DNAJB4: variants seen among roughly 807,000 people sequenced by gnomAD.
DNAJB4 encodes the protein dnaJ homolog subfamily B member 4.
Under a neutral mutation model 26.6 loss-of-function variants are expected in DNAJB4, and 10 were observed. The ratio of observed to expected loss-of-function variants is 0.38; its 90% confidence interval spans 0.23 to 0.64. The LOEUF (loss-of-function observed/expected upper bound fraction) is 0.64. Ranked by LOEUF, DNAJB4 falls within the 30% of genes least tolerant of loss-of-function variation. DNAJB4 has a pLI of 0.58. For synonymous variants in DNAJB4, 136 were observed against 134.8 expected, an observed-to-expected ratio of 1.01 and a Z score of -0.06; for missense variants, 328 against 408.2, an observed-to-expected ratio of 0.80 and a Z score of 1.69.
intron 1 of DNAJB4, among the ~76,000 whole-genome samples, chr1:78,011,057 T>G (rs1006192703): frequency 5.3e-5 from 8 of 152,216 alleles, no homozygotes; most frequent in African/African-American, 1.9e-4. Flanking sequence ...GATTTTTAGA[T>G]TCTTTTCCTG....
At chr1:77,991,944 G>C (rs1240514256) in intron 1 of DNAJB4, among the ~76,000 whole-genome samples, 2 of 152,156 alleles carry the variant, frequency 1.3e-5, no homozygotes, top group Non-Finnish European at 2.9e-5. Flanking sequence ...AATACACATA[G>C]AAGAGGTTAT....
intron 1 of DNAJB4, among the ~76,000 whole-genome samples, chr1:78,006,366 T>C (rs1245367007): frequency 6.6e-6 from 1 of 152,202 alleles, no homozygotes. Flanking sequence ...CAGGACTAAG[T>C]TATTTTATTA....
At chr1:78,014,150 C>T (rs1305244189) in intron 2 of DNAJB4, among the ~76,000 whole-genome samples, 6 of 150,106 alleles carry the variant, frequency 4.0e-5, no homozygotes, top group African/African-American at 1.2e-4. Flanking sequence ...GAGACAGAGT[C>T]TTGCTCTGTC....
At position 78,016,062 on chromosome 1, in the gene DNAJB4, A is replaced by G. The variant is rs1456231012; in HGVS notation, c.829A>G (p.Ile277Val). 1 of 1,614,134 alleles carries G rather than the reference A, an allele frequency of 6.2e-7. No individual in the cohort carries two copies. The highest frequency in any genetic ancestry group is 8.5e-7 in the Non-Finnish European group (1 of 1,180,022). The stretch of plus-strand genomic sequence containing the variant: ...TGTACCAACACTGGATGGAAGAAAC[A>G]TACCTATGTCAGTAAATGATATTGT... ...INVPTLDGRN[I>V]PMSVNDIVKP... Residue 277 changes from isoleucine to valine, a missense_variant, in exon 3 of 3, where the codon ATA becomes GTA. Ile to Val is a conservative substitution (Grantham distance 29). Coordinates refer to ENST00000370763, the MANE Select transcript of DNAJB4 (RefSeq NM_007034.5).
chr1:77,994,231 A>G (rs941943115), intron 1 of DNAJB4, among the ~76,000 whole-genome samples: 3 of 151,862 alleles, frequency 2.0e-5, no homozygotes, highest in Admixed American at 1.3e-4. Context: ...GGGAGACCCT[A>G]TCTCTACAAA....
upstream of DNAJB4, chr1:77,979,536 A>G (rs1360716023): frequency 6.5e-6 from 1 of 153,088 alleles, no homozygotes; most frequent in Non-Finnish European, 1.5e-5. Flanking sequence ...GGAGGGCGCC[A>G]GGAGAAGTGC....
intron 1 of DNAJB4, among the ~76,000 whole-genome samples, chr1:77,996,380 C>T (rs1349993775): frequency 2.0e-5 from 3 of 152,114 alleles, no homozygotes; most frequent in African/African-American, 7.2e-5. Flanking sequence ...GTCTCAAACT[C>T]CTGGGCTCAA....
chr1:78,015,390 T>C (rs1402862653), intron 2 of DNAJB4, among the ~76,000 whole-genome samples: 2 of 151,978 alleles, frequency 1.3e-5, no homozygotes, highest in Admixed American at 6.6e-5. Context: ...AATAACCATG[T>C]CATTCCAGGG....
At position 78,016,060 on chromosome 1, in the gene DNAJB4, A is replaced by G; in HGVS notation, c.827A>G (p.Asn276Ser). The change falls in exon 3 of 3, where the codon AAC becomes AGC. Residue 276 changes from asparagine to serine, a missense_variant. Asn to Ser is a conservative substitution (Grantham distance 46, BLOSUM62 1). Coordinates refer to ENST00000370763, the MANE Select transcript of DNAJB4 (RefSeq NM_007034.5). The part of the protein sequence containing the change: ...SINVPTLDGR[N>S]IPMSVNDIVK... ...AATGTACCAACACTGGATGGAAGAA[A>G]CATACCTATGTCAGTAAATGATATT... The G allele has an allele frequency of 6.2e-7, 1 of 1,614,096 alleles. No individual in the cohort carries two copies. Among genetic ancestry groups the G allele is most frequent in the Non-Finnish European group, 8.5e-7 (1 of 1,180,010 alleles).
chr1:78,010,748 T>A (rs1165806673), intron 1 of DNAJB4, among the ~76,000 whole-genome samples: 1 of 152,200 alleles, frequency 6.6e-6, no homozygotes, highest in Non-Finnish European at 1.5e-5. Context: ...ATGCTGTGTG[T>A]TAGTGGCATT....
chr1:77,997,634 T>A (rs1390914807), intron 1 of DNAJB4, among the ~76,000 whole-genome samples: 5 of 152,190 alleles, frequency 3.3e-5, no homozygotes, highest in Non-Finnish European at 7.3e-5. Flanking sequence ...TATGCTCTTT[T>A]GCTTCTTGAC....
intron 1 of DNAJB4, among the ~76,000 whole-genome samples, chr1:78,012,326 C>G (rs1223743012): frequency 1.3e-5 from 2 of 151,394 alleles, no homozygotes; most frequent in African/African-American, 4.8e-5. Context: ...CCACACCTGG[C>G]TAATTTTTTG....
Position 78,016,109 on chromosome 1 carries a change from A to C in DNAJB4, c.876A>C (p.Arg292Ser), listed in dbSNP as rs1169605412. Residue 292 changes from arginine to serine, a missense_variant, in exon 3 of 3, where the codon AGA becomes AGC. Coordinates refer to ENST00000370763, the MANE Select transcript of DNAJB4 (RefSeq NM_007034.5). ...NDIVKPGMRR[R>S]IIGYGLPFPK... is the part of the protein sequence containing the mutation. ...TTGTGAAACCCGGAATGAGGAGAAG[A>C]ATTATTGGATATGGGCTGCCATTTC... 1 of 1,614,142 alleles carries C rather than the reference A, an allele frequency of 6.2e-7. No homozygotes were observed. Among genetic ancestry groups the C allele is most frequent in the South Asian group, 1.1e-5 (1 of 91,082 alleles).
At chr1:77,992,432 A>AAG (rs1659954448) in intron 1 of DNAJB4, among the ~76,000 whole-genome samples, 1 of 150,642 alleles carries the variant, frequency 6.6e-6, no homozygotes, top group African/African-American at 2.4e-5. Flanking sequence ...AAAAAAAAAA[A>AAG]AAAAAGAACA....
Position 78,016,140 on chromosome 1 carries a change from A to C in DNAJB4, c.907A>C (p.Asn303His). ...IIGYGLPFPK[N>H]PDQRGDLLIE... ...TGGATATGGGCTGCCATTTCCAAAA[A>C]ATCCTGACCAACGTGGTGACCTTCT... The change falls in exon 3 of 3, where the codon AAT becomes CAT. Residue 303 changes from asparagine to histidine, a missense_variant. Asn to His is a moderately conservative substitution (Grantham distance 68). Transcript: ENST00000370763. The C allele has an allele frequency of 1.9e-6, 3 of 1,614,184 alleles. No homozygotes were observed. Among genetic ancestry groups the C allele is most frequent in the Non-Finnish European group, 2.5e-6 (3 of 1,180,030 alleles).
intron 1 of DNAJB4, among the ~76,000 whole-genome samples, chr1:77,981,050 CT>C (rs1200104070): frequency 2.6e-5 from 4 of 151,790 alleles, no homozygotes; most frequent in African/African-American, 9.7e-5. Flanking sequence ...ACAATCAGAT[CT>C]TTTGATCAAT....
intron 1 of DNAJB4, among the ~76,000 whole-genome samples, chr1:78,010,058 T>C (rs1310524154): frequency 6.6e-6 from 1 of 152,228 alleles, no homozygotes; most frequent in Non-Finnish European, 1.5e-5. Flanking sequence ...CTTCAGACTT[T>C]GTATGAATCT....
At chr1:77,991,167 C>A (rs1299657387) in intron 1 of DNAJB4, among the ~76,000 whole-genome samples, 2 of 152,114 alleles carry the variant, frequency 1.3e-5, no homozygotes, top group Non-Finnish European at 2.9e-5. Flanking sequence ...TACACACATG[C>A]CCTATTTGCT....
exon 1 of DNAJB4, chr1:77,980,249 G>A (rs1292000516): frequency 6.6e-6 from 1 of 151,914 alleles, no homozygotes; most frequent in Non-Finnish European, 1.5e-5. Flanking sequence ...AGCTTCTTAG[G>A]CGTAGTTTCT....
Sources: gnomAD v4.1 joint callset for allele counts (sites outside exome capture counted in the v4.1 genomes callset) on GRCh38, gnomAD v4.1.1 for gene constraint, MANE v1.5 for transcripts, NCBI Gene and HGNC (gene_info 2026-07-23, HGNC 2026-07-21) for gene names.